LYRM9: variants seen among roughly 807,000 people sequenced by gnomAD.
LYRM9 encodes the protein LYR motif-containing protein 9.
Under a neutral mutation model 12.6 loss-of-function variants are expected in LYRM9, and 14 were observed. The ratio of observed to expected loss-of-function variants is 1.11; its 90% CI spans 0.73 to 1.73. LYRM9 has a LOEUF of 1.73. Ranked by LOEUF, LYRM9 falls within the 40% of genes most tolerant of loss-of-function variation. LYRM9 has a pLI of 0.00. For missense variants in LYRM9, 94 were observed against 95.0 expected (o/e 0.99, Z 0.04); for synonymous variants, 42 against 35.1 (o/e 1.20, Z -0.69).
At position 27,893,300 on chromosome 17, in the gene LYRM9, T is replaced by G. The variant is rs922301815; in HGVS notation, c.-19+17A>C. On this transcript the variant is annotated intron_variant, in intron 1 of 3. Transcript: ENST00000379102. ...CGCGCCCCCGCCCTCGGCCTCGGCC[T>G]GCGCAGCGCGGCTCACCAGCCTCCA... 2.6e-5 allele frequency: 4 copies of G among 152,662 alleles called. No individual in the cohort carries two copies. Among genetic ancestry groups the G allele is most frequent in the South Asian group, 1.8e-4 (1 of 5,410 alleles). 9.5% of individuals were successfully genotyped at this position (152,662 alleles called of 1,614,324 possible).
Position 27,884,685 on chromosome 17 carries a change from C to A in LYRM9, c.-18-1973G>T, listed in dbSNP as rs1022186323. 3.3e-5 allele frequency among the ~76,000 whole-genome samples: 5 copies of A among 152,304 alleles called. No individual in the cohort carries two copies. In the South Asian group the frequency reaches 8.3e-4, roughly 25 times the overall value. ...CGCCTGTGGCTCTCCCTGGGCTGAG[C>A]GCCTGGCCCGCAGTGGGCTTCACTC... On this transcript the variant is annotated intron_variant, in intron 1 of 3. Coordinates refer to ENST00000379102, the MANE Select transcript of LYRM9 (RefSeq NM_001076680.3).
intron 2 of LYRM9, among the ~76,000 whole-genome samples, chr17:27,882,223 C>T (rs1242481395): frequency 6.6e-6 from 1 of 152,132 alleles, no homozygotes; most frequent in Non-Finnish European, 1.5e-5. Flanking sequence ...TGGTAGATGG[C>T]CTCTCGATTT....
At position 27,880,697 on chromosome 17, in the gene LYRM9, A is replaced by G. The variant is rs549553833; in HGVS notation, c.127-331T>C. On this transcript the variant is annotated intron_variant, in intron 2 of 3. Transcript: ENST00000379102. Reference sequence around the variant, plus strand: ...CAGTAGAGTCCAAGGGGAAACTTCCATCTCTCTTCCTCAGAAGACGCTGCT... The same window carrying G: ...CAGTAGAGTCCAAGGGGAAACTTCCGTCTCTCTTCCTCAGAAGACGCTGCT... 4.5e-5 allele frequency: 15 copies of G among 335,502 alleles called. No individual in the cohort carries two copies. The South Asian group carries it at 5.6e-4, about 12-fold the overall frequency. The allele number at this position is 335,502 out of a possible 1,614,324, so 20.8% of individuals were successfully genotyped here.
intron 1 of LYRM9, among the ~76,000 whole-genome samples, chr17:27,888,831 C>T (rs1034026557): frequency 6.6e-6 from 1 of 152,144 alleles, no homozygotes; most frequent in African/African-American, 2.4e-5. Flanking sequence ...ACTCACAAGT[C>T]CCCCATTTTC....
chr17:27,891,459 A>T (rs1440336223), intron 1 of LYRM9, among the ~76,000 whole-genome samples: 1 of 152,236 alleles, frequency 6.6e-6, no homozygotes, highest in Non-Finnish European at 1.5e-5. Flanking sequence ...ACTACTAAGC[A>T]TGATGCCTGG....
At chr17:27,882,963 C>A (rs1044411906) in intron 1 of LYRM9, 1 of 579,484 alleles carries the variant, frequency 1.7e-6, no homozygotes, top group Non-Finnish European at 3.4e-6. Flanking sequence ...CGTCTTCTTT[C>A]TGGAACTCAA....
chr17:27,880,223 C>T (rs865942780), intron 3 of LYRM9, 51 bp downstream of exon 3: 2 of 1,412,474 alleles, frequency 1.4e-6, no homozygotes, highest in Middle Eastern at 1.7e-4. Flanking sequence ...ATGGGGATCA[C>T]AGCCATCATC....
chr17:27,884,829 GA>G (rs5819824), intron 1 of LYRM9, among the ~76,000 whole-genome samples: 22 of 144,320 alleles, frequency 1.5e-4, no homozygotes, highest in East Asian at 4.1e-4. Flanking sequence ...GAACATATAA[GA>G]AAAAAAAAAA....
rs769692066 is a variant in LYRM9 at position 27,880,197 on chromosome 17, G to A, written c.219+77C>T. ...GACCATTCTCAACTGTGGGGCAGGA[G>A]TGGCCTCTAGTGGTCATGGGGATCA... On this transcript the variant is annotated intron_variant, in intron 3 of 3. Transcript: ENST00000379102. The A allele has an allele frequency of 8.1e-6, 9 of 1,109,562 alleles. No homozygotes were observed. In the Admixed American group the frequency reaches 1.6e-4, roughly 19 times the overall value. The allele number at this position is 1,109,562 out of a possible 1,614,324, so 68.7% of individuals were successfully genotyped here. A position where few individuals can be genotyped will look rare whatever the true frequency, so the allele number is the denominator to read the frequency against.
chr17:27,887,648 C>G (rs1444403923), intron 1 of LYRM9, among the ~76,000 whole-genome samples: 6 of 151,924 alleles, frequency 3.9e-5, no homozygotes, highest in African/African-American at 1.5e-4. Flanking sequence ...GGCAGAATGT[C>G]TGGCATGGAG....
intron 1 of LYRM9, among the ~76,000 whole-genome samples, chr17:27,885,208 G>A (rs758826333): frequency 2.0e-4 from 30 of 152,212 alleles, no homozygotes; most frequent in African/African-American, 3.4e-4. Flanking sequence ...GCTCACACAC[G>A]GGCACGTGCC....
chr17:27,883,167 C>A, intron 1 of LYRM9: 1 of 372,396 alleles, frequency 2.7e-6, no homozygotes, highest in Non-Finnish European at 5.5e-6. Context: ...CCAGCAAAAC[C>A]CACAGCATCG....
chr17:27,880,167 A>T, intron 3 of LYRM9, 107 bp downstream of exon 3: 1 of 883,224 alleles, frequency 1.1e-6, no homozygotes, highest in Non-Finnish European at 1.9e-6. Context: ...GGCCTCCTCC[A>T]CAGGGACCAT....
At chr17:27,885,594 C>G (rs1246322172) in intron 1 of LYRM9, among the ~76,000 whole-genome samples, 1 of 150,466 alleles carries the variant, frequency 6.6e-6, no homozygotes, top group Non-Finnish European at 1.5e-5. Context: ...CCTGTAGTCC[C>G]AGCTACTCAA....
intron 1 of LYRM9, chr17:27,892,521 C>T (rs1051750059): frequency 2.4e-6 from 1 of 418,356 alleles, no homozygotes; most frequent in Non-Finnish European, 4.6e-6. Flanking sequence ...GAAAACATTA[C>T]GCTAAGTGAA....
At position 27,882,731 on chromosome 17, in the gene LYRM9, C is replaced by A; in HGVS notation, c.-18-19G>T. The A allele has an allele frequency of 6.4e-7, 1 of 1,564,198 alleles. No homozygotes were observed. Among genetic ancestry groups the A allele is most frequent in the Non-Finnish European group, 8.7e-7 (1 of 1,154,658 alleles). On this transcript the variant is annotated intron_variant, in intron 1 of 3. Coordinates refer to ENST00000379102, the MANE Select transcript of LYRM9 (RefSeq NM_001076680.3). ...TCTGTCCCTGGAAAACAAGCAGGAT[C>A]ACTTCCAGGGCATCAAGCCAAGTTC...
At chr17:27,882,891 C>A in intron 1 of LYRM9, 179 bp from the exon 2 acceptor site, 1 of 709,022 alleles carries the variant, frequency 1.4e-6, no homozygotes. Context: ...GAAGCTCTAG[C>A]CCAGAGCAGG....
At chr17:27,892,438 C>T (rs1215830308) in intron 1 of LYRM9, 1 of 455,700 alleles carries the variant, frequency 2.2e-6, no homozygotes, top group Non-Finnish European at 4.4e-6. Context: ...TCAATTGATT[C>T]CCAAGTTACC....
chr17:27,885,119 T>G (rs73267191), intron 1 of LYRM9, among the ~76,000 whole-genome samples: 3,021 of 152,222 alleles, frequency 0.02, 100 homozygotes, highest in African/African-American at 0.069. Context: ...TGATCTGGGG[T>G]GCACCCCTCC....
Sources: allele counts gnomAD v4.1 joint callset (sites outside exome capture counted in the v4.1 genomes callset), GRCh38; gene constraint gnomAD v4.1.1; transcripts MANE v1.5; gene names NCBI Gene and HGNC (gene_info 2026-07-23, HGNC 2026-07-21).